CADPS2: variants seen among roughly 807,000 people sequenced by gnomAD.
CADPS2 encodes calcium-dependent secretion activator 2.
Under a neutral mutation model 172.5 loss-of-function variants are expected in CADPS2, and 93 were observed. The observed-to-expected ratio is 0.54, with a 90% CI of 0.46 to 0.64. The LOEUF is 0.64. Ranked by LOEUF, CADPS2 falls within the 30% of genes least tolerant of loss-of-function variation. The probability of loss-of-function intolerance (pLI) is 0.00; values close to 1 mark genes in which losing one functional copy is unlikely to be tolerated. For synonymous variants in CADPS2, 546 were observed against 555.2 expected (o/e 0.98, Z 0.23); for missense variants, 1,420 against 1,565.9 (o/e 0.91, Z 1.57).
intron 17 of CADPS2, among the ~76,000 whole-genome samples, chr7:122,431,555 G>A (rs2049908367): frequency 6.6e-6 from 1 of 152,134 alleles, no homozygotes; most frequent in African/African-American, 2.4e-5. Context: ...AGCTCGTCAA[G>A]GGCGGGGAGT....
chr7:122,516,650 CA>C, intron 8 of CADPS2, among the ~76,000 whole-genome samples: 1 of 151,926 alleles, frequency 6.6e-6, no homozygotes, highest in East Asian at 1.9e-4. Flanking sequence ...ATAATTTTGC[CA>C]TTAAAAGTGA....
Position 122,393,462 on chromosome 7 carries a change from T to C in CADPS2, c.2867A>G (p.Gln956Arg). The part of the protein sequence containing the change: ...IAQSIHRGFE[Q>R]ETWQPVKNIA... The stretch of plus-strand genomic sequence containing the variant: ...CTACTTGACAGGCTGCCATGTCTCC[T>C]GCTCAAAACCTCTGTGAATTGACTG... The change falls in exon 21 of 30, where the codon CAG becomes CGG. Residue 956 changes from glutamine (Q) to arginine (R), a missense_variant. Gln to Arg is a conservative substitution (Grantham distance 43, BLOSUM62 1). Coordinates refer to ENST00000449022, the MANE Select transcript of CADPS2 (RefSeq NM_017954.11). 1 of 1,613,912 alleles carries C rather than the reference T, an allele frequency of 6.2e-7. No homozygotes were observed. The highest frequency in any genetic ancestry group is 2.2e-5 in the East Asian group (1 of 44,864).
intron 8 of CADPS2, among the ~76,000 whole-genome samples, chr7:122,527,607 AGAGAGAGAGAGTGTGTGT>A (rs1232634542): frequency 8.1e-6 from 1 of 123,462 alleles, no homozygotes; most frequent in African/African-American, 3.2e-5. Context: ...AGAGAGAGAG[AGAGAGAGAGAGTGTGTGT>A]GTGTGTGTGT....
At position 122,477,077 on chromosome 7, in the gene CADPS2, AGAGAGG is replaced by A. The variant is rs1347145855; in HGVS notation, c.1862-2566_1862-2561del. On this transcript the variant is annotated intron_variant, in intron 12 of 29. Coordinates refer to ENST00000449022, the MANE Select transcript of CADPS2 (RefSeq NM_017954.11). ...AAGAGAGAGAGAGAGAGAGAGAGAG[AGAGAGG>A]GAGAGAGAGAGGTAGGTAGATAGGC... Among the ~76,000 whole-genome samples the A allele has an allele frequency of 4.1e-5, 6 of 144,720 alleles. No homozygotes were observed. The South Asian group carries it at 9.0e-4, about 22-fold the overall frequency. 94.9% of individuals were successfully genotyped at this position (144,720 alleles called of 152,430 possible). A position where few individuals can be genotyped will look rare whatever the true frequency, so the allele number is the denominator to read the frequency against.
chr7:122,388,836 G>C, intron 22 of CADPS2, 98 bp from the exon 23 acceptor site: 2 of 1,086,820 alleles, frequency 1.8e-6, no homozygotes, highest in Admixed American at 5.8e-5. Context: ...TGCCATCAGT[G>C]AAAAAAATAC....
intron 17 of CADPS2, among the ~76,000 whole-genome samples, chr7:122,433,817 T>C (rs763481580): frequency 6.6e-6 from 1 of 152,192 alleles, no homozygotes; most frequent in Non-Finnish European, 1.5e-5. Flanking sequence ...GAGGAGAAGA[T>C]TTCTGTTTGG....
chr7:122,756,733 T>C (rs1309052479), intron 1 of CADPS2, among the ~76,000 whole-genome samples: 1 of 152,104 alleles, frequency 6.6e-6, no homozygotes, highest in Non-Finnish European at 1.5e-5. Context: ...ACCCCGTCTC[T>C]ACTAAAAATA....
At chr7:122,354,359 A>G (rs1184685068) in intron 27 of CADPS2, 1 of 152,184 alleles carries the variant, frequency 6.6e-6, no homozygotes, top group Non-Finnish European at 1.5e-5. Context: ...GGTCACACTG[A>G]TAATAGATGA....
At chr7:122,740,255 T>C (rs1041775628) in intron 1 of CADPS2, among the ~76,000 whole-genome samples, 3 of 152,208 alleles carry the variant, frequency 2.0e-5, no homozygotes, top group African/African-American at 7.2e-5. Context: ...TGGAAATTTA[T>C]GTCCACACAA....
At chr7:122,716,369 C>G (rs1245383739) in intron 2 of CADPS2, among the ~76,000 whole-genome samples, 1 of 152,060 alleles carries the variant, frequency 6.6e-6, no homozygotes, top group East Asian at 1.9e-4. Flanking sequence ...CCCCCTTCTG[C>G]TACCATCACT....
At chr7:122,790,612 C>T (rs1266963979) in intron 1 of CADPS2, among the ~76,000 whole-genome samples, 1 of 152,094 alleles carries the variant, frequency 6.6e-6, no homozygotes, top group African/African-American at 2.4e-5. Flanking sequence ...CAAACCAGCT[C>T]TTATGAATAA....
At chr7:122,570,346 C>T (rs1168100566) in intron 7 of CADPS2, among the ~76,000 whole-genome samples, 1 of 151,934 alleles carries the variant, frequency 6.6e-6, no homozygotes, top group Non-Finnish European at 1.5e-5. Context: ...CCATCTCACA[C>T]CAGTTAGAAT....
At chr7:122,871,104 G>T (rs1256874131) in intron 1 of CADPS2, among the ~76,000 whole-genome samples, 2 of 151,000 alleles carry the variant, frequency 1.3e-5, no homozygotes, top group Non-Finnish European at 3.0e-5. Context: ...AGGGTCCTAA[G>T]ATAGAAAACT....
At chr7:122,752,313 T>G (rs1247590510) in intron 1 of CADPS2, among the ~76,000 whole-genome samples, 1 of 152,160 alleles carries the variant, frequency 6.6e-6, no homozygotes, top group Admixed American at 6.6e-5. Context: ...CAAAATTATC[T>G]CTATAGCAAA....
intron 6 of CADPS2, among the ~76,000 whole-genome samples, chr7:122,587,635 T>C (rs902230760): frequency 6.6e-6 from 1 of 152,168 alleles, no homozygotes; most frequent in Non-Finnish European, 1.5e-5. Context: ...TACCCAGTAA[T>C]GGGATTGCTG....
Position 122,598,971 on chromosome 7 carries a change from G to A in CADPS2, c.1223+16210C>T, listed in dbSNP as rs571138289. Among the ~76,000 whole-genome samples, 50 of 152,130 alleles carry A rather than the reference G, an allele frequency of 3.3e-4. No homozygotes were observed. In the South Asian group the frequency reaches 0.01, roughly 31 times the overall value. ...ATTACTGAAGCCCTCTGGGGAAGGA[G>A]GGAAGCAAGGGCTCAGGGAAGCCCT... On this transcript the variant is annotated intron_variant, in intron 6 of 29. Transcript: ENST00000449022.
Position 122,452,213 on chromosome 7 carries a change from GTA to G in CADPS2, c.2187-740_2187-739del, listed in dbSNP as rs2053207452. Among the ~76,000 whole-genome samples the G allele has an allele frequency of 2.6e-5, 4 of 152,186 alleles. No homozygotes were observed. The South Asian group carries it at 6.2e-4, about 24-fold the overall frequency. ...TAGAATTTATTCTGTATCAATTTAG[GTA>G]TCCGGTTGTACGGCAATCATCTAAA... On this transcript the variant is annotated intron_variant, in intron 14 of 29. Transcript: ENST00000449022.
chr7:122,491,893 A>C (rs1367506233), intron 9 of CADPS2, among the ~76,000 whole-genome samples: 2 of 152,176 alleles, frequency 1.3e-5, no homozygotes, highest in Non-Finnish European at 2.9e-5. Context: ...CTTTTAACAA[A>C]GTAAAAAAAG....
intron 3 of CADPS2, among the ~76,000 whole-genome samples, chr7:122,649,577 C>T (rs1227073534): frequency 6.6e-6 from 1 of 152,136 alleles, no homozygotes; most frequent in Non-Finnish European, 1.5e-5. Context: ...TATTAAAGCT[C>T]TTCTATTCAT....
Sources: allele counts gnomAD v4.1 joint callset (sites outside exome capture counted in the v4.1 genomes callset), GRCh38; gene constraint gnomAD v4.1.1; transcripts MANE v1.5; gene names NCBI Gene and HGNC (gene_info 2026-07-23, HGNC 2026-07-21).